Variants in ALK observed in about 807,000 individuals in gnomAD.
ALK encodes ALK receptor tyrosine kinase.
A neutral mutation model predicts 163.1 loss-of-function variants in ALK; 74 were observed. The observed-to-expected ratio is 0.45, with a 90% CI of 0.38 to 0.55. The LOEUF is 0.55. Ranked by LOEUF, ALK falls within the 20% of genes least tolerant of loss-of-function variation. ALK has a pLI of 0.00. For synonymous variants in ALK, 960 were observed against 843.2 expected, an observed-to-expected ratio of 1.14 and a Z score of -2.40; for missense variants, 2,063 against 2,105.3, an observed-to-expected ratio of 0.98 and a Z score of 0.39.
At chr2:29,385,628 C>A in intron 4 of ALK, among the ~76,000 whole-genome samples, 1 of 152,088 alleles carries the variant, frequency 6.6e-6, no homozygotes, top group Non-Finnish European at 1.5e-5. Flanking sequence ...TGGATTCAAG[C>A]CATCCACCTG....
intron 1 of ALK, among the ~76,000 whole-genome samples, chr2:29,736,926 A>G (rs1262949054): frequency 6.6e-6 from 1 of 152,104 alleles, no homozygotes; most frequent in East Asian, 1.9e-4. Context: ...CAGGGAAGTA[A>G]CAGAGAATGG....
chr2:29,723,953 C>A (rs1180928708), intron 1 of ALK, among the ~76,000 whole-genome samples: 1 of 152,202 alleles, frequency 6.6e-6, no homozygotes, highest in Admixed American at 6.5e-5. Flanking sequence ...TGTACATGAT[C>A]ACAACTACCC....
At chr2:29,535,630 T>C (rs1673232346) in intron 3 of ALK, among the ~76,000 whole-genome samples, 1 of 152,190 alleles carries the variant, frequency 6.6e-6, no homozygotes, top group Non-Finnish European at 1.5e-5. Flanking sequence ...TGTTGACAGG[T>C]GTCTTAGTCT....
At chr2:29,663,703 TA>T (rs1218897127) in intron 3 of ALK, among the ~76,000 whole-genome samples, 1 of 151,456 alleles carries the variant, frequency 6.6e-6, no homozygotes, top group Non-Finnish European at 1.5e-5. Context: ...GTTCAATGTT[TA>T]AAAAAAAAGA....
intron 3 of ALK, among the ~76,000 whole-genome samples, chr2:29,694,115 C>T (rs142513255): frequency 1.3e-3 from 205 of 152,310 alleles, no homozygotes; most frequent in African/African-American, 4.3e-3. Context: ...CTTGGTGAGA[C>T]ATAAAACTAG....
chr2:29,448,658 G>A (rs964806425), intron 4 of ALK, among the ~76,000 whole-genome samples: 2 of 152,008 alleles, frequency 1.3e-5, no homozygotes, highest in African/African-American at 4.8e-5. Flanking sequence ...AAGCTCCATG[G>A]GTAAACGGAG....
intron 4 of ALK, among the ~76,000 whole-genome samples, chr2:29,422,265 G>C (rs550467367): frequency 2.0e-5 from 3 of 151,598 alleles, no homozygotes; most frequent in African/African-American, 7.3e-5. Flanking sequence ...AATCAAGTGA[G>C]TTCCAGGAGG....
intron 2 of ALK, among the ~76,000 whole-genome samples, chr2:29,706,127 T>C (rs1215464516): frequency 6.6e-6 from 1 of 152,180 alleles, no homozygotes; most frequent in Non-Finnish European, 1.5e-5. Flanking sequence ...TCCTCATCTG[T>C]AAAATGGAGT....
chr2:29,366,837 T>C (rs1386871576), intron 5 of ALK, among the ~76,000 whole-genome samples: 1 of 152,260 alleles, frequency 6.6e-6, no homozygotes, highest in Non-Finnish European at 1.5e-5. Context: ...TAGATTAAGC[T>C]GTTTGCCATT....
intron 1 of ALK, among the ~76,000 whole-genome samples, chr2:29,746,839 A>G (rs1185142842): frequency 6.6e-6 from 1 of 152,222 alleles, no homozygotes; most frequent in Non-Finnish European, 1.5e-5. Flanking sequence ...CTGGGAGAGA[A>G]AATTAGAAAG....
rs1528425 is a variant in ALK at position 29,273,264 on chromosome 2, A to G, written c.2041+1835T>C. Among the ~76,000 whole-genome samples, 1,227 of 152,300 alleles carry G rather than the reference A, an allele frequency of 8.1e-3. 38 individuals are homozygous for G. Among genetic ancestry groups the G allele is most frequent in the Admixed American group, 0.056 (864 of 15,294 alleles). On this transcript the variant is annotated intron_variant, in intron 11 of 28. Transcript: ENST00000389048. ...CGTGTCTGCTGGGTGATTATTACTG[A>G]CTGGGTGTGGCCTTGGCCTCTGCCT...
intron 3 of ALK, among the ~76,000 whole-genome samples, chr2:29,561,283 T>C (rs1674015677): frequency 6.6e-6 from 1 of 152,158 alleles, no homozygotes; most frequent in Non-Finnish European, 1.5e-5. Flanking sequence ...GAGATTGTGC[T>C]TCCTCTCTTC....
At chr2:29,620,034 T>C (rs764263093) in intron 3 of ALK, among the ~76,000 whole-genome samples, 1 of 152,236 alleles carries the variant, frequency 6.6e-6, no homozygotes, top group Non-Finnish European at 1.5e-5. Context: ...CCAGTAGACG[T>C]TCCAGCCTTG....
At chr2:29,782,946 G>T (rs138314238) in intron 1 of ALK, among the ~76,000 whole-genome samples, 3 of 152,270 alleles carry the variant, frequency 2.0e-5, no homozygotes, top group Non-Finnish European at 4.4e-5. Flanking sequence ...TGTTGTGTGA[G>T]CCATTTTGCT....
chr2:29,597,476 A>G (rs1675247094), intron 3 of ALK, among the ~76,000 whole-genome samples: 1 of 152,224 alleles, frequency 6.6e-6, no homozygotes, highest in South Asian at 2.1e-4. Context: ...TCCTCCACAA[A>G]GCCCAGTGCC....
At chr2:29,626,143 T>TA (rs1676188261) in intron 3 of ALK, among the ~76,000 whole-genome samples, 1 of 152,206 alleles carries the variant, frequency 6.6e-6, no homozygotes, top group Non-Finnish European at 1.5e-5. Context: ...TGAAGCCCTA[T>TA]ACCCTATGTG....
chr2:29,321,810 G>A (rs1667060106), intron 6 of ALK, among the ~76,000 whole-genome samples: 1 of 152,176 alleles, frequency 6.6e-6, no homozygotes. Flanking sequence ...AACAATCCCA[G>A]TCATTGGGGC....
rs1166960168 is a variant in ALK at position 29,396,658 on chromosome 2, G to A, written c.1155-12799C>T. Among the ~76,000 whole-genome samples the A allele has an allele frequency of 2.0e-5, 3 of 152,080 alleles. No homozygotes were observed. The East Asian group carries it at 5.8e-4, about 29-fold the overall frequency. Reference sequence around the variant, plus strand: ...CTACTGTACTCCAGCCTAGATGACAGAGCGAGACTCCATCTCAAAAACAAA... The same window carrying A: ...CTACTGTACTCCAGCCTAGATGACAAAGCGAGACTCCATCTCAAAAACAAA... On this transcript the variant is annotated intron_variant, in intron 4 of 28. Transcript: ENST00000389048.
intron 3 of ALK, among the ~76,000 whole-genome samples, chr2:29,678,281 C>T (rs1308049163): frequency 6.6e-6 from 1 of 151,708 alleles, no homozygotes; most frequent in Admixed American, 6.6e-5. Flanking sequence ...CTTACTACTG[C>T]TTTTTTATTT....
Sources: allele counts gnomAD v4.1 joint callset (sites outside exome capture counted in the v4.1 genomes callset), GRCh38; gene constraint gnomAD v4.1.1; transcripts MANE v1.5; gene names NCBI Gene and HGNC (gene_info 2026-07-23, HGNC 2026-07-21).